SORL1: variants seen among roughly 807,000 people sequenced by gnomAD.
SORL1 encodes sortilin related receptor 1.
A neutral mutation model predicts 273.7 loss-of-function variants in SORL1; 127 were observed. That is an observed-to-expected ratio of 0.46 (90% CI 0.40 to 0.54). The LOEUF is 0.54. Among genes scored for constraint, SORL1 ranks in the 20% least tolerant of loss-of-function variants. The probability of loss-of-function intolerance (pLI) is 0.00; values close to 1 mark genes in which losing one functional copy is unlikely to be tolerated. For synonymous variants in SORL1, 1,031 were observed against 1,067.4 expected (o/e 0.97, Z 0.66); for missense variants, 2,494 against 2,846.1 (o/e 0.88, Z 2.81).
rs780181471 is a variant in SORL1, at chr11:121,532,502, C to T, written c.1635C>T (p.His545=). 1.2e-5 allele frequency: 19 copies of T among 1,613,984 alleles called. No individual in the cohort carries two copies. The highest frequency in any genetic ancestry group is 5.0e-5 in the Admixed American group (3 of 59,986). Residue 545 remains histidine, a synonymous_variant, in exon 12 of 48, where the codon CAC becomes CAT. Transcript: ENST00000260197. ...CTCACTACTACACATGGGGAGACCA[C>T]GGCGGAATCATCACGGCCATTGCCC... ...PGPHYYTWGD[H]GGIITAIAQG...
At chr11:121,589,643 G>T (rs1863179453) in intron 29 of SORL1, among the ~76,000 whole-genome samples, 4 of 152,202 alleles carry the variant, frequency 2.6e-5, no homozygotes, top group Admixed American at 2.0e-4. Flanking sequence ...TATGTATAAG[G>T]AAGGTGGTAG....
At chr11:121,492,264 G>C (rs544266564) in intron 5 of SORL1, among the ~76,000 whole-genome samples, 346 of 152,274 alleles carry the variant, frequency 2.3e-3, no homozygotes, top group Admixed American at 5.0e-3. Flanking sequence ...GGGAGGCTGA[G>C]GCAGGAGAAT....
intron 33 of SORL1, among the ~76,000 whole-genome samples, chr11:121,604,691 T>C (rs2095703348): frequency 6.6e-6 from 1 of 152,156 alleles, no homozygotes; most frequent in South Asian, 2.1e-4. Flanking sequence ...CTTGGACTTG[T>C]AGCATTCTCT....
intron 2 of SORL1, among the ~76,000 whole-genome samples, chr11:121,471,030 A>G (rs1335023848): frequency 6.6e-6 from 1 of 152,072 alleles, no homozygotes; most frequent in East Asian, 1.9e-4. Flanking sequence ...GGTTTCTCCC[A>G]TTTTTCTTGA....
chr11:121,629,861 A>G lies in SORL1; in HGVS notation c.*298A>G, dbSNP rs1361693572. The G allele has an allele frequency of 2.8e-6, 1 of 353,454 alleles. No individual in the cohort carries two copies. The highest frequency in any genetic ancestry group is 5.1e-6 in the Non-Finnish European group (1 of 194,186). The allele number at this position is 353,454 out of a possible 1,614,324, so 21.9% of individuals were successfully genotyped here. ...TACGTCTGTGAGATAATTTCGGTTCAGTAAATTGGCCAATCTTTTTATTTT... is the reference window on the plus strand; with the variant it reads ...TACGTCTGTGAGATAATTTCGGTTCGGTAAATTGGCCAATCTTTTTATTTT... On this transcript the variant is annotated 3_prime_UTR_variant, in exon 48 of 48. Transcript: ENST00000260197.
intron 7 of SORL1, 65 bp downstream of exon 7, chr11:121,513,169 G>A (rs1042801413): frequency 4.1e-6 from 5 of 1,216,602 alleles, no homozygotes; most frequent in African/African-American, 1.5e-5. Flanking sequence ...TCAGAGGAAG[G>A]TTGTTGCAGG....
At chr11:121,607,152 C>T (rs765180150) in intron 36 of SORL1, 34 bp from the exon 37 acceptor site, 1 of 1,355,544 alleles carries the variant, frequency 7.4e-7, no homozygotes, top group Non-Finnish European at 1.1e-6. Flanking sequence ...ACCTTTGGTT[C>T]CCTTTACTCA....
chr11:121,452,523 G>C lies in SORL1; in HGVS notation c.192G>C (p.Gly64=). ...GCGAGCTGCGGCTGTGGGCGCGCGGGGATGCCAGGGGGGCGAGCCGCGCGG... is the reference window on the plus strand; with the variant it reads ...GCGAGCTGCGGCTGTGGGCGCGCGGCGATGCCAGGGGGGCGAGCCGCGCGG... ...DPRELRLWAR[G]DARGASRADE... Residue 64 remains glycine, a synonymous_variant, in exon 1 of 48, where the codon GGG becomes GGC. Transcript: ENST00000260197. The surrounding 1 kb of genome is among the most constrained non-coding windows in gnomAD (Gnocchi z 5.3). 1 of 1,480,048 alleles carries C rather than the reference G, an allele frequency of 6.8e-7. No homozygotes were observed. The highest frequency in any genetic ancestry group is 1.3e-5 in the South Asian group (1 of 77,646). The allele number at this position is 1,480,048 out of a possible 1,614,324, so 91.7% of individuals were successfully genotyped here.
chr11:121,580,964 G>C (rs1037829213), intron 25 of SORL1, among the ~76,000 whole-genome samples: 36 of 147,966 alleles, frequency 2.4e-4, no homozygotes, highest in African/African-American at 9.0e-4. Flanking sequence ...CCAGGCTAGA[G>C]TACAGTGGTG....
rs373600318 is a variant in SORL1, at chr11:121,619,734, G to T, written c.5725-19G>T. On this transcript the variant is annotated intron_variant, in intron 42 of 47. Transcript: ENST00000260197. The stretch of plus-strand genomic sequence containing the variant: ...GGCCATGATGTATTTTTTTTCCTAC[G>T]TGTGTGCTTGGGCTTCAGGTCCGTG... 5.1e-5 allele frequency: 81 copies of T among 1,589,802 alleles called. No homozygotes were observed. Among genetic ancestry groups the T allele is most frequent in the Non-Finnish European group, 6.6e-5 (77 of 1,165,180 alleles).
At chr11:121,543,789 A>T in intron 13 of SORL1, 63 bp downstream of exon 13, 1 of 1,475,992 alleles carries the variant, frequency 6.8e-7, no homozygotes, top group Non-Finnish European at 9.3e-7. Context: ...TTATGTGCAA[A>T]GCACCAGCTT....
intron 5 of SORL1, among the ~76,000 whole-genome samples, chr11:121,491,781 A>G (rs527724014): frequency 1.1e-4 from 16 of 152,208 alleles, no homozygotes; most frequent in Admixed American, 9.2e-4. Flanking sequence ...TTGTTTTTCT[A>G]TCATTAATTC....
chr11:121,614,822 A>G, intron 40 of SORL1, 49 bp from the exon 41 acceptor site: 1 of 1,519,462 alleles, frequency 6.6e-7, no homozygotes, highest in Admixed American at 1.7e-5. Flanking sequence ...CACGTTCTTG[A>G]CTAACACCCC....
Position 121,558,764 on chromosome 11 carries a change from T to C in SORL1, c.2837T>C (p.Ile946Thr). ...TDAYLECIER[I>T]TFSGQQRSVI... ...GCCTACCTGGAGTGCATAGAGCGGA[T>C]CACGTTCAGTGGCCAGCAGCGCTCT... is the stretch of plus-strand genomic sequence containing the variant. Residue 946 changes from isoleucine to threonine, a missense_variant, in exon 20 of 48, where the codon ATC (isoleucine) becomes ACC (threonine). This residue lies in a region of SORL1 where 1,609 missense variants were observed against 1,816.4 expected (regional missense o/e 0.89). Coordinates refer to ENST00000260197, the MANE Select transcript of SORL1 (RefSeq NM_003105.6). The C allele has an allele frequency of 1.2e-6, 2 of 1,614,150 alleles. No homozygotes were observed. Among genetic ancestry groups the C allele is most frequent in the Non-Finnish European group, 1.7e-6 (2 of 1,180,030 alleles).
At chr11:121,511,319 A>G (rs924555805) in intron 6 of SORL1, among the ~76,000 whole-genome samples, 1 of 152,194 alleles carries the variant, frequency 6.6e-6, no homozygotes, top group African/African-American at 2.4e-5. Flanking sequence ...CCTGGGTGTC[A>G]TTGAGAAATC....
intron 13 of SORL1, 31 bp downstream of exon 13, chr11:121,543,757 A>T: frequency 6.3e-7 from 1 of 1,593,100 alleles, no homozygotes; most frequent in Admixed American, 1.7e-5. Flanking sequence ...ACCTTTTCAC[A>T]TGGATATGCG....
intron 44 of SORL1, 64 bp downstream of exon 44, chr11:121,621,302 C>T (rs1863720974): frequency 1.4e-6 from 2 of 1,415,096 alleles, no homozygotes; most frequent in East Asian, 4.6e-5. Context: ...GCCGCTAGAC[C>T]TCCAGAGACA....
chr11:121,510,917 G>C (rs546681841), intron 6 of SORL1, among the ~76,000 whole-genome samples: 1 of 152,010 alleles, frequency 6.6e-6, no homozygotes. Flanking sequence ...CTGTGCTGTT[G>C]GATATTTTCC....
intron 16 of SORL1, among the ~76,000 whole-genome samples, chr11:121,551,734 C>G (rs12787570): frequency 6.6e-6 from 1 of 152,162 alleles, no homozygotes; most frequent in Non-Finnish European, 1.5e-5. Context: ...TGCTCACTGC[C>G]GCCAGCTTGC....
Sources: allele counts gnomAD v4.1 joint callset (sites outside exome capture counted in the v4.1 genomes callset), GRCh38; gene constraint gnomAD v4.1.1; regional missense constraint gnomAD v4.1.1; non-coding constraint Gnocchi (gnomAD v3.1); transcripts MANE v1.5; gene names NCBI Gene and HGNC (gene_info 2026-07-23, HGNC 2026-07-21).